The following TRIQK variants were observed in gnomAD, a reference collection of about 807,000 sequenced individuals.
TRIQK encodes triple QxxK/R motif containing, also known as triple QxxK/R motif-containing protein.
TRIQK carries 10 observed loss-of-function variants against 10.8 expected under a neutral mutation model. That is an observed-to-expected ratio of 0.92 (90% CI 0.57 to 1.57). The LOEUF is 1.57. TRIQK is among the 40% of genes most tolerant of loss of function. The pLI, the probability that TRIQK is intolerant of heterozygous loss-of-function variation, is 0.00. For missense variants in TRIQK, 107 were observed against 97.7 expected (o/e 1.09, Z -0.40); for synonymous variants, 33 against 33.7 (o/e 0.98, Z 0.07).
At chr8:93,016,574 T>C (rs930242645) in intron 1 of TRIQK, among the ~76,000 whole-genome samples, 2 of 152,258 alleles carry the variant, frequency 1.3e-5, no homozygotes, top group Admixed American at 1.3e-4. Context: ...AACTCAAATG[T>C]ATAAAACCTT....
intron 2 of TRIQK, among the ~76,000 whole-genome samples, chr8:92,920,515 C>A (rs1810119997): frequency 6.7e-6 from 1 of 150,214 alleles, no homozygotes; most frequent in Admixed American, 6.7e-5. Flanking sequence ...CCCATGAAAA[C>A]TTATCAGCTT....
intron 1 of TRIQK, among the ~76,000 whole-genome samples, chr8:92,961,696 G>C (rs968104162): frequency 6.6e-6 from 1 of 152,112 alleles, no homozygotes; most frequent in African/African-American, 2.4e-5. Context: ...TGCAATATTT[G>C]AATATTTTAA....
chr8:92,892,568 A>G (rs1340704114), intron 3 of TRIQK, among the ~76,000 whole-genome samples: 2 of 151,952 alleles, frequency 1.3e-5, no homozygotes, highest in Non-Finnish European at 2.9e-5. Flanking sequence ...ATCTATAAAT[A>G]TTTAACTTTT....
intron 3 of TRIQK, among the ~76,000 whole-genome samples, chr8:92,903,945 C>T (rs542999686): frequency 1.0e-3 from 158 of 151,954 alleles, no homozygotes; most frequent in Non-Finnish European, 2.0e-3. Context: ...ACAATCAAAG[C>T]GAGATATGTA....
At chr8:92,924,122 A>G (rs1040111474) in intron 2 of TRIQK, among the ~76,000 whole-genome samples, 4 of 152,036 alleles carry the variant, frequency 2.6e-5, no homozygotes, top group African/African-American at 9.6e-5. Flanking sequence ...ATAGTTAGGC[A>G]GAAAAGGTAT....
intron 1 of TRIQK, among the ~76,000 whole-genome samples, chr8:92,983,128 T>A (rs759613550): frequency 2.0e-5 from 3 of 152,030 alleles, no homozygotes; most frequent in African/African-American, 7.2e-5. Context: ...GATTCTAAAT[T>A]ATTTTTATTT....
intron 1 of TRIQK, among the ~76,000 whole-genome samples, chr8:93,008,868 C>A (rs903642732): frequency 2.0e-5 from 3 of 152,162 alleles, no homozygotes; most frequent in East Asian, 3.9e-4. Context: ...TGCTTGGAAC[C>A]ATGAAGCTAC....
At chr8:92,990,215 A>G (rs1292339993) in intron 1 of TRIQK, among the ~76,000 whole-genome samples, 1 of 152,188 alleles carries the variant, frequency 6.6e-6, no homozygotes, top group Non-Finnish European at 1.5e-5. Flanking sequence ...TGTCATAAAG[A>G]TTTTCTCAAG....
Position 92,885,250 on chromosome 8 carries a change from A to G in TRIQK, c.*1372T>C, listed in dbSNP as rs1330313129. 7 of 322,972 alleles carry G rather than the reference A, an allele frequency of 2.2e-5. No homozygotes were observed. The highest frequency in any genetic ancestry group is 4.3e-5 in the Non-Finnish European group (7 of 163,568). The allele number at this position is 322,972 out of a possible 1,614,324, so 20.0% of individuals were successfully genotyped here. On this transcript the variant is annotated 3_prime_UTR_variant, in exon 5 of 5. Transcript: ENST00000521988. ...ACAGTCACAGTCGACTTTTTGCAAA[A>G]GTACCAGAGAATATCTTTTAGAAAC...
chr8:92,944,664 G>A (rs1002823853), intron 2 of TRIQK, among the ~76,000 whole-genome samples: 21 of 152,102 alleles, frequency 1.4e-4, no homozygotes, highest in African/African-American at 3.1e-4. Context: ...AGAAGTTGAC[G>A]TCATAAAAGT....
At chr8:92,930,604 T>C (rs1810672436) in intron 2 of TRIQK, among the ~76,000 whole-genome samples, 1 of 151,936 alleles carries the variant, frequency 6.6e-6, no homozygotes, top group African/African-American at 2.4e-5. Context: ...ACAAAAGGAA[T>C]GAGAAGAAGC....
chr8:92,990,651 T>G (rs888711975), intron 1 of TRIQK, among the ~76,000 whole-genome samples: 50 of 152,062 alleles, frequency 3.3e-4, no homozygotes, highest in African/African-American at 1.2e-3. Context: ...GTGCAAAGGG[T>G]CAGGGAACTC....
At chr8:92,935,424 G>A (rs1810936851) in intron 2 of TRIQK, among the ~76,000 whole-genome samples, 1 of 151,562 alleles carries the variant, frequency 6.6e-6, no homozygotes, top group Admixed American at 6.6e-5. Flanking sequence ...TCTGTTTTGT[G>A]CACGTTCCTT....
chr8:92,971,010 A>G (rs1031818834), upstream of TRIQK, among the ~76,000 whole-genome samples: 1 of 152,170 alleles, frequency 6.6e-6, no homozygotes, highest in Admixed American at 6.5e-5. Flanking sequence ...AGTTTTCTAC[A>G]TATGGCTAGT....
chr8:92,981,781 C>T (rs372054504), intron 1 of TRIQK, among the ~76,000 whole-genome samples: 33 of 151,812 alleles, frequency 2.2e-4, no homozygotes, highest in South Asian at 8.3e-4. Flanking sequence ...CTATTGCCAA[C>T]GAATGCAGTC....
chr8:92,977,538 C>G (rs781061941), intron 1 of TRIQK, among the ~76,000 whole-genome samples: 1 of 151,982 alleles, frequency 6.6e-6, no homozygotes, highest in Non-Finnish European at 1.5e-5. Flanking sequence ...CTTTCCTTAA[C>G]ATACTTATCC....
intron 1 of TRIQK, among the ~76,000 whole-genome samples, chr8:92,994,736 G>A (rs1337983529): frequency 6.6e-6 from 1 of 151,598 alleles, no homozygotes; most frequent in East Asian, 1.9e-4. Context: ...TACCACCTCT[G>A]ACCTTATACT....
chr8:93,013,421 C>A (rs1191337022), intron 1 of TRIQK, among the ~76,000 whole-genome samples: 2 of 151,998 alleles, frequency 1.3e-5, no homozygotes, highest in African/African-American at 2.4e-5. Context: ...GGAACACAGT[C>A]TATGGTCAAT....
At chr8:92,909,625 A>G (rs1342930930) in intron 3 of TRIQK, among the ~76,000 whole-genome samples, 2 of 151,812 alleles carry the variant, frequency 1.3e-5, no homozygotes, top group African/African-American at 4.8e-5. Context: ...CACATTAAGT[A>G]CTAAGAAACA....
Sources: gnomAD v4.1 joint callset for allele counts (sites outside exome capture counted in the v4.1 genomes callset) on GRCh38, gnomAD v4.1.1 for gene constraint, MANE v1.5 for transcripts, NCBI Gene and HGNC (gene_info 2026-07-23, HGNC 2026-07-21) for gene names.